Variants in MUC17 observed in about 807,000 individuals in gnomAD.
MUC17 encodes the protein mucin-17.
In MUC17, 190 loss-of-function variants were observed where a neutral mutation model predicts 170.3. The ratio of observed to expected loss-of-function variants is 1.12; its 90% CI spans 0.99 to 1.26. The LOEUF is 1.26. Among genes scored for constraint, MUC17 ranks in the 50% most tolerant of loss-of-function variants. The probability of loss-of-function intolerance (pLI) is 0.00; values close to 1 mark genes in which losing one functional copy is unlikely to be tolerated. For synonymous variants in MUC17, 2,325 were observed against 2,002.5 expected (o/e 1.16, Z -4.30); for missense variants, 6,415 against 5,530.0 (o/e 1.16, Z -5.08).
rs1794593745 is a variant in MUC17, at chr7:101,039,057, C to T, written c.7641C>T (p.Val2547=). ...TTPVDSNSPV[V]TSTEISSSAT... is the part of the protein sequence containing the mutation. ...CTGTTGACTCCAACAGTCCTGTGGT[C>T]ACTTCTACTGAAATCAGTTCATCTG... Residue 2547 remains valine (V), a synonymous_variant, in exon 3 of 13, where the codon GTC becomes GTT. Coordinates refer to ENST00000306151, the MANE Select transcript of MUC17 (RefSeq NM_001040105.2). 1.9e-6 allele frequency: 3 copies of T among 1,613,454 alleles called. No individual in the cohort carries two copies. Among genetic ancestry groups the T allele is most frequent in the Non-Finnish European group, 1.7e-6 (2 of 1,179,890 alleles).
chr7:101,050,298 T>C (rs1169253686), intron 6 of MUC17, among the ~76,000 whole-genome samples, 186 bp from the exon 7 acceptor site: 2 of 152,148 alleles, frequency 1.3e-5, no homozygotes, highest in Non-Finnish European at 2.9e-5. Flanking sequence ...CCCAGCGCAG[T>C]GTGTAGGACA....
rs1485562312 is a variant in MUC17, at chr7:101,037,790, C to T, written c.6374C>T (p.Thr2125Ile). The change falls in exon 3 of 13, where the codon ACT (threonine) becomes ATT (isoleucine). Residue 2125 changes from threonine (T) to isoleucine (I), a missense_variant. Thr to Ile is a moderately conservative substitution (Grantham distance 89). Coordinates refer to ENST00000306151, the MANE Select transcript of MUC17 (RefSeq NM_001040105.2). ...ASPEASTLST[T>I]PVDSNSPVIT... The stretch of plus-strand genomic sequence containing the variant: ...CCTGAGGCTAGCACCCTTTCAACAA[C>T]TCCTGTTGACTCCAACAGTCCTGTG... 1.2e-6 allele frequency: 2 copies of T among 1,612,896 alleles called. No individual in the cohort carries two copies. The highest frequency in any genetic ancestry group is 1.7e-6 in the Non-Finnish European group (2 of 1,179,312).
intron 7 of MUC17, among the ~76,000 whole-genome samples, chr7:101,051,362 CT>C (rs1372484366): frequency 3.5e-5 from 2 of 57,744 alleles, no homozygotes; most frequent in Non-Finnish European, 6.3e-5. Flanking sequence ...AATACTCCAT[CT>C]CAAAAAAAAA....
rs10240124 is a variant in MUC17, at chr7:101,022,292, G to A, written c.82+2075G>A. On this transcript the variant is annotated intron_variant, in intron 1 of 12. Coordinates refer to ENST00000306151, the MANE Select transcript of MUC17 (RefSeq NM_001040105.2). ...AGCAATTCTCCTGCCTCAGCCTCCC[G>A]AGTAGCTGGGATTACGGATGCACGC... Among the ~76,000 whole-genome samples the A allele has an allele frequency of 6.5e-3, 990 of 151,350 alleles. 14 individuals carry two copies. The highest frequency in any genetic ancestry group is 0.023 in the African/African-American group (934 of 41,214).
intron 1 of MUC17, 110 bp downstream of exon 1, chr7:101,020,327 T>A: frequency 1.3e-6 from 1 of 796,856 alleles, no homozygotes; most frequent in Non-Finnish European, 1.9e-6. Flanking sequence ...AATAGGGGTG[T>A]GCCCTCTGCC....
intron 11 of MUC17, among the ~76,000 whole-genome samples, chr7:101,054,747 G>A (rs1795017745): frequency 6.6e-6 from 1 of 152,164 alleles, no homozygotes. Context: ...TTGAGCCCAG[G>A]AGGTCAAGGC....
chr7:101,055,970 G>A (rs1192308873), intron 11 of MUC17, among the ~76,000 whole-genome samples: 2 of 152,178 alleles, frequency 1.3e-5, no homozygotes, highest in African/African-American at 4.8e-5. Flanking sequence ...AGACTTGTGG[G>A]ATGCAGCTAC....
Position 101,038,714 on chromosome 7 carries a change from A to G in MUC17, c.7298A>G (p.Glu2433Gly). Reference protein sequence around the residue: ...DTSTPVTTSTEASSSPTTAEG... With the variant: ...DTSTPVTTSTGASSSPTTAEG... ...AGCACACCTGTCACCACTTCTACTG[A>G]AGCCAGTTCATCTCCTACAACTGCT... Residue 2433 changes from glutamate to glycine, a missense_variant, in exon 3 of 13, where the codon GAA (glutamate) becomes GGA (glycine). By Grantham distance (98) the Glu-to-Gly change is moderately conservative (BLOSUM62 -2). Coordinates refer to ENST00000306151, the MANE Select transcript of MUC17 (RefSeq NM_001040105.2). 1 of 1,613,598 alleles carries G rather than the reference A, an allele frequency of 6.2e-7. No individual in the cohort carries two copies. Among genetic ancestry groups the G allele is most frequent in the South Asian group, 1.1e-5 (1 of 91,062 alleles).
At chr7:101,031,276 C>A in intron 2 of MUC17, 55 bp downstream of exon 2, 1 of 1,567,992 alleles carries the variant, frequency 6.4e-7, no homozygotes. Flanking sequence ...TGCGAAAGGG[C>A]TAGAGCGACC....
In MUC17 at chr7:101,042,870, T is replaced by C. The variant is rs766894226; in HGVS notation, c.11454T>C (p.Thr3818=). Residue 3818 remains threonine (T), a synonymous_variant, in exon 3 of 13, where the codon ACT becomes ACC. Transcript: ENST00000306151. ...TTSERSTLLT[T]VLISPISVMS... ...GTGAAAGAAGCACTTTATTGACAACTGTCCTCATCAGCCCTATATCTGTGA... is the reference window on the plus strand; with the variant it reads ...GTGAAAGAAGCACTTTATTGACAACCGTCCTCATCAGCCCTATATCTGTGA... 4 of 1,614,122 alleles carry C rather than the reference T, an allele frequency of 2.5e-6. 1 individual carries two copies. In the South Asian group the frequency reaches 4.4e-5, roughly 18 times the overall value.
chr7:101,048,693 A>T, intron 4 of MUC17, 152 bp from the exon 5 acceptor site: 1 of 695,964 alleles, frequency 1.4e-6, no homozygotes, highest in Non-Finnish European at 2.4e-6. Context: ...AAAGAAAAGG[A>T]AATAAAACAA....
chr7:101,050,205 G>T (rs1271741137), intron 6 of MUC17, among the ~76,000 whole-genome samples: 1 of 152,132 alleles, frequency 6.6e-6, no homozygotes, highest in Non-Finnish European at 1.5e-5. Context: ...CATCGCTGAG[G>T]CTTCCCTAAG....
At position 101,034,915 on chromosome 7, in the gene MUC17, G is replaced by C. The variant is rs1194546985; in HGVS notation, c.3499G>C (p.Val1167Leu). The change falls in exon 3 of 13, where the codon GTC becomes CTC. Residue 1167 changes from valine (V) to leucine (L), a missense_variant. Transcript: ENST00000306151. The stretch of plus-strand genomic sequence containing the variant: ...AACCACTCCGTTAGCAAGTATGCCT[G>C]TCAGCACCACGCTGGTGGTCAGTTC... ...EGTTPLASMPVSTTLVVSSEA... is the reference protein window; with the variant it reads ...EGTTPLASMPLSTTLVVSSEA... 5 of 1,613,550 alleles carry C rather than the reference G, an allele frequency of 3.1e-6. No homozygotes were observed. Among genetic ancestry groups the C allele is most frequent in the Non-Finnish European group, 4.2e-6 (5 of 1,179,972 alleles).
Position 101,040,809 on chromosome 7 carries a change from C to A in MUC17, c.9393C>A (p.Asp3131Glu). The A allele has an allele frequency of 6.2e-7, 1 of 1,613,658 alleles. No homozygotes were observed. The highest frequency in any genetic ancestry group is 8.5e-7 in the Non-Finnish European group (1 of 1,179,786). ...GCACCCTTTCAACAACTCCTGTTGA[C>A]ACCAGCACACCTGTGACCACTTCTA... ...AISTLSTTPV[D>E]TSTPVTTSTE... Residue 3131 changes from aspartate to glutamate, a missense_variant, in exon 3 of 13, where the codon GAC becomes GAA. Coordinates refer to ENST00000306151, the MANE Select transcript of MUC17 (RefSeq NM_001040105.2).
Position 101,042,706 on chromosome 7 carries a change from C to A in MUC17, c.11290C>A (p.Pro3764Thr), listed in dbSNP as rs1267293778. 5 of 1,613,710 alleles carry A rather than the reference C, an allele frequency of 3.1e-6. No individual in the cohort carries two copies. The highest frequency in any genetic ancestry group is 1.1e-5 in the South Asian group (1 of 91,086). Reference sequence around the variant, plus strand: ...GACCACTATTCTTGTCAGTACCACACCTGTTACGAGGTTTCCTGAGAGTAG... The same window carrying A: ...GACCACTATTCTTGTCAGTACCACAACTGTTACGAGGTTTCCTGAGAGTAG... ...LGTTILVSTT[P>T]VTRFPESSTP... The change falls in exon 3 of 13, where the codon CCT (proline) becomes ACT (threonine). Residue 3764 changes from proline to threonine, a missense_variant. Pro to Thr is a conservative substitution (Grantham distance 38). Transcript: ENST00000306151.
Position 101,038,691 on chromosome 7 carries a change from C to A in MUC17, c.7275C>A (p.Ser2425Arg). ...ATTCCACAACTCCTGTTGACACCAG[C>A]ACACCTGTCACCACTTCTACTGAAG... is the stretch of plus-strand genomic sequence containing the variant. The part of the protein sequence containing the change: ...STHSTTPVDT[S>R]TPVTTSTEAS... Residue 2425 changes from serine (S) to arginine (R), a missense_variant, in exon 3 of 13, where the codon AGC becomes AGA. Transcript: ENST00000306151. 6.2e-7 allele frequency: 1 copy of A among 1,613,876 alleles called. No individual in the cohort carries two copies. Among genetic ancestry groups the A allele is most frequent in the East Asian group, 2.2e-5 (1 of 44,846 alleles).
intron 1 of MUC17, among the ~76,000 whole-genome samples, chr7:101,026,460 C>T (rs1461049693): frequency 6.6e-6 from 1 of 152,220 alleles, no homozygotes; most frequent in Non-Finnish European, 1.5e-5. Context: ...ACAGACTAAG[C>T]GACTTCATGC....
Position 101,039,136 on chromosome 7 carries a change from A to C in MUC17, c.7720A>C (p.Thr2574Pro). 1 of 1,613,286 alleles carries C rather than the reference A, an allele frequency of 6.2e-7. No homozygotes were observed. The highest frequency in any genetic ancestry group is 8.5e-7 in the Non-Finnish European group (1 of 1,179,840). The change falls in exon 3 of 13, where the codon ACT (threonine) becomes CCT (proline). Residue 2574 changes from threonine to proline, a missense_variant. Physicochemically the swap from Thr to Pro is conservative, Grantham distance 38. Coordinates refer to ENST00000306151, the MANE Select transcript of MUC17 (RefSeq NM_001040105.2). ...MPTSTYSEGS[T>P]PLRSMPVSTK... ...TACCTCAACTTATAGTGAAGGAAGC[A>C]CTCCATTAAGAAGTATGCCTGTCAG...
At chr7:101,050,346 G>A (rs1244543011) in intron 6 of MUC17, 138 bp from the exon 7 acceptor site, 2 of 1,283,316 alleles carry the variant, frequency 1.6e-6, no homozygotes, top group Non-Finnish European at 2.1e-6. Context: ...CAAATGCCTA[G>A]GACAGAGTCA....
Sources: gnomAD v4.1 joint callset for allele counts (sites outside exome capture counted in the v4.1 genomes callset) on GRCh38, gnomAD v4.1.1 for gene constraint, MANE v1.5 for transcripts, NCBI Gene and HGNC (gene_info 2026-07-23, HGNC 2026-07-21) for gene names.